Variants in ASIC2 observed in about 807,000 individuals in gnomAD.
ASIC2 encodes the protein acid sensing ion channel subunit 2, also known as acid-sensing ion channel 2.
ASIC2 carries 25 observed loss-of-function variants against 57.3 expected under a neutral mutation model. The ratio of observed to expected loss-of-function variants is 0.44; its 90% confidence interval spans 0.32 to 0.61. The LOEUF is 0.61. Among genes scored for constraint, ASIC2 ranks in the 20% least tolerant of loss-of-function variants. The probability of loss-of-function intolerance (pLI) is 0.06; values close to 1 mark genes in which losing one functional copy is unlikely to be tolerated. For synonymous variants in ASIC2, 319 were observed against 307.5 expected, an observed-to-expected ratio of 1.04 and a Z score of -0.39; for missense variants, 641 against 738.1, an observed-to-expected ratio of 0.87 and a Z score of 1.52.
intron 1 of ASIC2, among the ~76,000 whole-genome samples, chr17:33,115,421 C>T (rs1233142092): frequency 6.6e-6 from 1 of 152,138 alleles, no homozygotes; most frequent in African/African-American, 2.4e-5. Context: ...GCCCCCAGTC[C>T]CCACTGGGGC....
intron 1 of ASIC2, chr17:34,039,835 T>C: frequency 6.2e-7 from 1 of 1,607,648 alleles, no homozygotes; most frequent in Non-Finnish European, 8.5e-7. Flanking sequence ...CAATAATTTC[T>C]GCCGTCGTGG....
intron 1 of ASIC2, among the ~76,000 whole-genome samples, chr17:33,493,447 C>T (rs928259246): frequency 4.6e-5 from 7 of 152,188 alleles, no homozygotes; most frequent in African/African-American, 1.7e-4. Context: ...AACCAGGAAA[C>T]AGATTTGACC....
chr17:34,109,029 GATTT>G (rs1911169842), intron 1 of ASIC2, among the ~76,000 whole-genome samples: 2 of 61,730 alleles, frequency 3.2e-5, no homozygotes, highest in Non-Finnish European at 8.6e-5. Flanking sequence ...TTTATTTGTT[GATTT>G]ATTTTATTTT....
intron 1 of ASIC2, among the ~76,000 whole-genome samples, chr17:33,579,793 C>T (rs972398603): frequency 2.6e-5 from 4 of 152,106 alleles, no homozygotes; most frequent in South Asian, 2.1e-4. Context: ...AACTACCACA[C>T]CGTGAAAAAC....
At chr17:33,748,034 A>T (rs1353707771) in intron 1 of ASIC2, among the ~76,000 whole-genome samples, 1 of 152,260 alleles carries the variant, frequency 6.6e-6, no homozygotes, top group East Asian at 1.9e-4. Flanking sequence ...AGAGATGAGG[A>T]AGTCAAGGCT....
At chr17:33,707,451 C>T (rs1464694755) in intron 1 of ASIC2, among the ~76,000 whole-genome samples, 1 of 152,106 alleles carries the variant, frequency 6.6e-6, no homozygotes, top group African/African-American at 2.4e-5. Context: ...ATCTAGATTT[C>T]TTTTCAAATA....
intron 1 of ASIC2, among the ~76,000 whole-genome samples, chr17:33,248,413 CA>C (rs1908767899): frequency 6.6e-6 from 1 of 152,178 alleles, no homozygotes; most frequent in East Asian, 1.9e-4. Context: ...TGTTTTTGAA[CA>C]AATGATTAAT....
chr17:33,890,981 T>C (rs1273018667), intron 1 of ASIC2, among the ~76,000 whole-genome samples: 1 of 152,070 alleles, frequency 6.6e-6, no homozygotes, highest in Non-Finnish European at 1.5e-5. Flanking sequence ...TCTTCAGGTA[T>C]AGCAAGTGCC....
chr17:33,450,145 G>A (rs958820481), intron 1 of ASIC2, among the ~76,000 whole-genome samples: 2 of 152,140 alleles, frequency 1.3e-5, no homozygotes, highest in African/African-American at 4.8e-5. Context: ...AAAACAAAAG[G>A]CTAGTTTAAT....
At chr17:33,464,472 TTTC>T (rs1468650246) in intron 1 of ASIC2, among the ~76,000 whole-genome samples, 5 of 86,630 alleles carry the variant, frequency 5.8e-5, no homozygotes, top group African/African-American at 1.2e-4. Flanking sequence ...TCTTTCTTTC[TTTC>T]TTTTCTCTCT....
At chr17:33,014,189 G>T (rs1047993304) in intron 9 of ASIC2, 123 bp from the exon 10 acceptor site, 3 of 747,216 alleles carry the variant, frequency 4.0e-6, no homozygotes, top group Non-Finnish European at 7.1e-6. Flanking sequence ...TTCTGCTCCA[G>T]ACATCTGATA....
intron 1 of ASIC2, among the ~76,000 whole-genome samples, chr17:34,117,434 T>G (rs1365209691): frequency 2.6e-5 from 4 of 152,144 alleles, no homozygotes. Flanking sequence ...AAGAACAACA[T>G]TTGAAGCAGA....
At chr17:33,557,000 C>T (rs1915927696) in intron 1 of ASIC2, among the ~76,000 whole-genome samples, 1 of 152,138 alleles carries the variant, frequency 6.6e-6, no homozygotes, top group Non-Finnish European at 1.5e-5. Flanking sequence ...ATGCAAGAGC[C>T]CTTCTTGGAC....
chr17:33,825,417 T>C (rs534015508), intron 1 of ASIC2, among the ~76,000 whole-genome samples: 5 of 151,946 alleles, frequency 3.3e-5, no homozygotes, highest in Non-Finnish European at 7.4e-5. Flanking sequence ...AGAGACAGAG[T>C]CCTGTGACAC....
intron 1 of ASIC2, among the ~76,000 whole-genome samples, chr17:33,760,173 AT>A (rs1486573058): frequency 6.6e-6 from 1 of 150,570 alleles, no homozygotes; most frequent in African/African-American, 2.5e-5. Flanking sequence ...TCAAAAAAAA[AT>A]GGACTTATTT....
intron 1 of ASIC2, among the ~76,000 whole-genome samples, chr17:33,262,952 G>A (rs1433558981): frequency 6.6e-6 from 1 of 152,152 alleles, no homozygotes; most frequent in Non-Finnish European, 1.5e-5. Flanking sequence ...AGCCAGGCAG[G>A]TGGTGCCCAG....
intron 1 of ASIC2, among the ~76,000 whole-genome samples, chr17:33,452,290 A>G (rs1912278885): frequency 6.6e-6 from 1 of 152,098 alleles, no homozygotes; most frequent in South Asian, 2.1e-4. Context: ...GCCTCTTTGA[A>G]CCTCAGTTTC....
chr17:33,238,209 C>T (rs1908369765), intron 1 of ASIC2, among the ~76,000 whole-genome samples: 1 of 152,190 alleles, frequency 6.6e-6, no homozygotes, highest in Non-Finnish European at 1.5e-5. Context: ...CAGGTGAAAT[C>T]GCAGAGGCTG....
intron 1 of ASIC2, among the ~76,000 whole-genome samples, chr17:33,959,863 A>G (rs1323018590): frequency 6.6e-6 from 1 of 152,234 alleles, no homozygotes; most frequent in African/African-American, 2.4e-5. Context: ...TTGACACTCA[A>G]TATTAACCAT....
Sources: gnomAD v4.1 joint callset for allele counts (sites outside exome capture counted in the v4.1 genomes callset) on GRCh38, gnomAD v4.1.1 for gene constraint, MANE v1.5 for transcripts, NCBI Gene and HGNC (gene_info 2026-07-23, HGNC 2026-07-21) for gene names.